AMD1: variants seen among roughly 807,000 people sequenced by gnomAD.
The protein encoded by AMD1 is adenosylmethionine decarboxylase 1, also known as S-adenosylmethionine decarboxylase proenzyme.
AMD1 carries 11 observed loss-of-function variants against 40.2 expected under a neutral mutation model. That is an observed-to-expected ratio of 0.27 (90% CI 0.17 to 0.45). The LOEUF (loss-of-function observed/expected upper bound fraction) is 0.45, where lower values mean the gene tolerates loss of function less well. Among genes scored for constraint, AMD1 ranks in the 20% least tolerant of loss-of-function variants. The probability of loss-of-function intolerance (pLI) is 1.00; values close to 1 mark genes in which losing one functional copy is unlikely to be tolerated. For synonymous variants in AMD1, 121 were observed against 130.8 expected (o/e 0.93, Z 0.51); for missense variants, 257 against 410.2 (o/e 0.63, Z 3.23).
At position 110,894,476 on chromosome 6, in the gene AMD1, G is replaced by C. The variant is rs1786199636; in HGVS notation, c.*860G>C. 1 of 152,256 alleles carries C rather than the reference G, an allele frequency of 6.6e-6. No homozygotes were observed. The allele number at this position is 152,256 out of a possible 1,614,324, so 9.4% of individuals were successfully genotyped here. A position where few individuals can be genotyped will look rare whatever the true frequency, so the allele number is the denominator to read the frequency against. ...TTAGCAGGGAAGACCCAGAGTTGTAGATTGAGATTAGGGTGTACTGGCTGA... is the reference window on the plus strand; with the variant it reads ...TTAGCAGGGAAGACCCAGAGTTGTACATTGAGATTAGGGTGTACTGGCTGA... On this transcript the variant is annotated 3_prime_UTR_variant, in exon 9 of 9. Coordinates refer to ENST00000368885, the MANE Select transcript of AMD1 (RefSeq NM_001634.6).
chr6:110,872,302 T>C (rs915201428), upstream of AMD1, among the ~76,000 whole-genome samples: 5 of 152,034 alleles, frequency 3.3e-5, no homozygotes, highest in East Asian at 5.8e-4. Flanking sequence ...AGAAGTGGGG[T>C]CAAGTAAGGA....
At chr6:110,870,031 A>G (rs1784886875), upstream of AMD1, among the ~76,000 whole-genome samples, 1 of 152,232 alleles carries the variant, frequency 6.6e-6, no homozygotes, top group South Asian at 2.1e-4. Context: ...GATTACAGGC[A>G]TTAGCCACTG....
At chr6:110,828,853 G>C in the AMD1 span, among the ~76,000 whole-genome samples, 1 of 152,136 alleles carries the variant, frequency 6.6e-6, no homozygotes, top group Non-Finnish European at 1.5e-5. Context: ...ACTAGGTTGG[G>C]TGCCTTTCAT....
At chr6:110,816,752 C>T in the AMD1 span, among the ~76,000 whole-genome samples, 2 of 152,074 alleles carry the variant, frequency 1.3e-5, no homozygotes, top group South Asian at 4.1e-4. Context: ...CTGGAAGCCC[C>T]AAACCCCACT....
At chr6:110,819,923 T>C in the AMD1 span, among the ~76,000 whole-genome samples, 1 of 152,140 alleles carries the variant, frequency 6.6e-6, no homozygotes, top group Non-Finnish European at 1.5e-5. Context: ...TATAATGCAT[T>C]AGCATGCATT....
chr6:110,833,158 A>C, the AMD1 span, among the ~76,000 whole-genome samples: 1 of 152,194 alleles, frequency 6.6e-6, no homozygotes, highest in Non-Finnish European at 1.5e-5. Context: ...GAATCACAGT[A>C]TAAAGGCAAA....
the AMD1 span, among the ~76,000 whole-genome samples, chr6:110,849,768 C>G: frequency 6.6e-6 from 1 of 152,032 alleles, no homozygotes; most frequent in Non-Finnish European, 1.5e-5. Flanking sequence ...GCCTGTAATC[C>G]TAGCACTTTG....
chr6:110,863,650 A>G, the AMD1 span, among the ~76,000 whole-genome samples: 1 of 151,942 alleles, frequency 6.6e-6, no homozygotes, highest in East Asian at 2.0e-4. Context: ...GATTACAGGC[A>G]TGAGCCACCG....
chr6:110,836,212 G>C, the AMD1 span, among the ~76,000 whole-genome samples: 1 of 151,972 alleles, frequency 6.6e-6, no homozygotes, highest in African/African-American at 2.4e-5. Context: ...AAAGTAATTA[G>C]ACAAGTGTGC....
the AMD1 span, chr6:110,814,925 A>G: frequency 6.4e-7 from 1 of 1,567,702 alleles, no homozygotes; most frequent in African/African-American, 1.4e-5. Context: ...GCACGGCCCG[A>G]CTGGGATCCG....
At chr6:110,892,027 T>TA in intron 4 of AMD1, 134 bp from the exon 5 acceptor site, 1 of 1,065,294 alleles carries the variant, frequency 9.4e-7, no homozygotes, top group South Asian at 1.4e-5. Flanking sequence ...TGAGCTACTA[T>TA]GCCCAGTCCA....
At chr6:110,871,223 T>C (rs1784914206), upstream of AMD1, among the ~76,000 whole-genome samples, 1 of 152,212 alleles carries the variant, frequency 6.6e-6, no homozygotes, top group Non-Finnish European at 1.5e-5. Context: ...ATAAGTGTCA[T>C]AATTGGGCTT....
At chr6:110,820,912 C>A in the AMD1 span, among the ~76,000 whole-genome samples, 2 of 152,036 alleles carry the variant, frequency 1.3e-5, no homozygotes, top group Admixed American at 6.6e-5. Context: ...GGGCAAGACT[C>A]CGTCTCAAAA....
At chr6:110,817,121 T>A in the AMD1 span, among the ~76,000 whole-genome samples, 30 of 152,296 alleles carry the variant, frequency 2.0e-4, no homozygotes, top group East Asian at 5.2e-3. Context: ...TAAACATGAT[T>A]GGTGCTAGGA....
chr6:110,843,492 A>T, the AMD1 span, among the ~76,000 whole-genome samples: 1 of 151,786 alleles, frequency 6.6e-6, no homozygotes, highest in Non-Finnish European at 1.5e-5. Flanking sequence ...CAAAAAACAC[A>T]CAAGAAAATA....
At chr6:110,893,310 TG>T (rs1786134252) in intron 8 of AMD1, among the ~76,000 whole-genome samples, 165 bp from the exon 9 acceptor site, 1 of 152,196 alleles carries the variant, frequency 6.6e-6, no homozygotes, top group African/African-American at 2.4e-5. Flanking sequence ...AGGCCTCTGG[TG>T]GGAGGAACCA....
At chr6:110,845,887 T>C in the AMD1 span, among the ~76,000 whole-genome samples, 1 of 152,230 alleles carries the variant, frequency 6.6e-6, no homozygotes, top group Non-Finnish European at 1.5e-5. Context: ...CCTTGACTAA[T>C]ACACCAGTTT....
At chr6:110,886,603 C>A (rs1375830640) in intron 1 of AMD1, among the ~76,000 whole-genome samples, 1 of 152,112 alleles carries the variant, frequency 6.6e-6, no homozygotes, top group African/African-American at 2.4e-5. Flanking sequence ...CCACGCCTGG[C>A]CTAAAAAATA....
chr6:110,891,996 A>G (rs1412394763), intron 4 of AMD1, 165 bp from the exon 5 acceptor site: 4 of 804,470 alleles, frequency 5.0e-6, no homozygotes, highest in Non-Finnish European at 8.0e-6. Context: ...CTCCCTGCCA[A>G]AAGGGGTGGG....
Sources: allele counts gnomAD v4.1 joint callset (sites outside exome capture counted in the v4.1 genomes callset), GRCh38; gene constraint gnomAD v4.1.1; transcripts MANE v1.5; gene names NCBI Gene and HGNC (gene_info 2026-07-23, HGNC 2026-07-21).